The following CNTLN variants were observed in gnomAD, a reference collection of about 807,000 sequenced individuals.
CNTLN encodes the protein centlein.
In CNTLN, 212 loss-of-function variants were observed where a neutral mutation model predicts 180.0. The observed-to-expected ratio is 1.18, with a 90% confidence interval of 1.05 to 1.32. The LOEUF (loss-of-function observed/expected upper bound fraction) is 1.32. Among genes scored for constraint, CNTLN ranks in the 40% most tolerant of loss-of-function variants. The pLI is 0.00. For synonymous variants in CNTLN, 722 were observed against 563.1 expected (o/e 1.28, Z -3.99); for missense variants, 2,095 against 1,610.9 (o/e 1.30, Z -5.14).
At chr9:17,199,332 C>T (rs961151929) in intron 2 of CNTLN, among the ~76,000 whole-genome samples, 1 of 151,682 alleles carries the variant, frequency 6.6e-6, no homozygotes, top group African/African-American at 2.4e-5. Flanking sequence ...CTGCCTCAGC[C>T]TCCTGAGTAG....
intron 13 of CNTLN, among the ~76,000 whole-genome samples, chr9:17,367,297 C>A (rs1462575477): frequency 1.3e-5 from 2 of 152,214 alleles, no homozygotes; most frequent in Non-Finnish European, 2.9e-5. Flanking sequence ...ACAGAAAGAG[C>A]ATTTAGACCA....
At chr9:17,365,631 A>G (rs1286557844) in intron 12 of CNTLN, among the ~76,000 whole-genome samples, 1 of 152,134 alleles carries the variant, frequency 6.6e-6, no homozygotes, top group Admixed American at 6.6e-5. Context: ...AACATTTTTC[A>G]TTACTATTTT....
At chr9:17,528,413 A>C in the CNTLN span, among the ~76,000 whole-genome samples, 1 of 152,224 alleles carries the variant, frequency 6.6e-6, no homozygotes, top group African/African-American at 2.4e-5. Context: ...GACATTAGAC[A>C]AACGCCAGTG....
At chr9:17,294,253 A>G (rs774149830) in intron 6 of CNTLN, among the ~76,000 whole-genome samples, 1 of 152,046 alleles carries the variant, frequency 6.6e-6, no homozygotes, top group African/African-American at 2.4e-5. Context: ...GGGGGTTGCC[A>G]CTGCTGGCTC....
chr9:17,221,182 A>G lies in CNTLN; in HGVS notation c.450-5021A>G, dbSNP rs149478304. 1.8e-4 allele frequency among the ~76,000 whole-genome samples: 27 copies of G among 152,236 alleles called. No homozygotes were observed. In the East Asian group the frequency reaches 4.1e-3, roughly 23 times the overall value. On this transcript the variant is annotated intron_variant, in intron 2 of 25. Transcript: ENST00000380647. ...ATTCTTTTGCAGTACTTCTGATTTT[A>G]TAATGATAAGCTAAACATTCAAGTG...
intron 2 of CNTLN, among the ~76,000 whole-genome samples, chr9:17,195,048 G>A (rs1728638591): frequency 6.6e-6 from 1 of 152,124 alleles, no homozygotes; most frequent in Non-Finnish European, 1.5e-5. Context: ...CCATAACGTG[G>A]GAATTATGGG....
At chr9:17,194,180 A>G (rs1458930317) in intron 2 of CNTLN, among the ~76,000 whole-genome samples, 1 of 152,106 alleles carries the variant, frequency 6.6e-6, no homozygotes, top group Non-Finnish European at 1.5e-5. Context: ...CCCTGGAGAC[A>G]TTTTCCCCAT....
intron 6 of CNTLN, among the ~76,000 whole-genome samples, chr9:17,281,925 G>A (rs10963000): frequency 0.29 from 44,410 of 151,956 alleles, 6,564 homozygotes; most frequent in South Asian, 0.41. Context: ...AAGCGTTCCT[G>A]TTTCTCCACA....
At chr9:17,277,371 C>A (rs184759840) in intron 6 of CNTLN, among the ~76,000 whole-genome samples, 1 of 152,058 alleles carries the variant, frequency 6.6e-6, no homozygotes, top group Non-Finnish European at 1.5e-5. Flanking sequence ...TTCAGAAAAT[C>A]TTCAGACAGA....
chr9:17,260,954 TG>T (rs1347571050), intron 5 of CNTLN, among the ~76,000 whole-genome samples: 1 of 151,484 alleles, frequency 6.6e-6, no homozygotes, highest in Non-Finnish European at 1.5e-5. Flanking sequence ...TTCATGTTTT[TG>T]TCAGCTTTGT....
chr9:17,292,683 C>T (rs888263997), intron 6 of CNTLN, among the ~76,000 whole-genome samples: 1 of 152,084 alleles, frequency 6.6e-6, no homozygotes, highest in Non-Finnish European at 1.5e-5. Context: ...ACTAATTATT[C>T]TGGTTAACAG....
rs1326587387 is a variant in CNTLN, at chr9:17,211,592, A to T, written c.450-14611A>T. ...AGTAGTTTTTTCCAATTCTGTGAAG[A>T]AAGTCATTGGTAGCTTGATGGGGAT... On this transcript the variant is annotated intron_variant, in intron 2 of 25. Coordinates refer to ENST00000380647, the MANE Select transcript of CNTLN (RefSeq NM_017738.4). Among the ~76,000 whole-genome samples the T allele has an allele frequency of 6.6e-5, 10 of 152,314 alleles. No homozygotes were observed. The East Asian group carries it at 1.9e-3, about 29-fold the overall frequency.
intron 16 of CNTLN, among the ~76,000 whole-genome samples, chr9:17,415,555 A>T (rs970499511): frequency 1.3e-5 from 2 of 152,102 alleles, no homozygotes; most frequent in African/African-American, 4.8e-5. Context: ...TATCATCTAG[A>T]GTTTAAAAAA....
At chr9:17,434,865 A>G (rs943546500) in intron 18 of CNTLN, among the ~76,000 whole-genome samples, 3 of 152,128 alleles carry the variant, frequency 2.0e-5, no homozygotes, top group African/African-American at 4.8e-5. Flanking sequence ...TTGGAAAACA[A>G]TTGTGCCACT....
Position 17,284,862 on chromosome 9 carries a change from G to C in CNTLN, c.983+10996G>C, listed in dbSNP as rs145273796. ...AGTTTTGATGTTAGGGTGTCAACTT[G>C]AGATTTTTCTAGCTTTTTGATGTGG... On this transcript the variant is annotated intron_variant, in intron 6 of 25. Coordinates refer to ENST00000380647, the MANE Select transcript of CNTLN (RefSeq NM_017738.4). Among the ~76,000 whole-genome samples the C allele has an allele frequency of 2.7e-3, 405 of 152,066 alleles. 1 individual carries two copies. The highest frequency in any genetic ancestry group is 3.4e-3 in the Middle Eastern group (1 of 294).
At chr9:17,333,676 A>G (rs2133136962) in intron 10 of CNTLN, among the ~76,000 whole-genome samples, 1 of 152,328 alleles carries the variant, frequency 6.6e-6, no homozygotes, top group East Asian at 1.9e-4. Context: ...ATTAAGTTTT[A>G]GTTTATGTTT....
chr9:17,224,983 A>C (rs1034954705), intron 2 of CNTLN, among the ~76,000 whole-genome samples: 2 of 151,268 alleles, frequency 1.3e-5, no homozygotes, highest in African/African-American at 4.8e-5. Flanking sequence ...CACGTCCTTA[A>C]CTAATGCCTA....
chr9:17,415,080 T>C (rs1828124806), intron 16 of CNTLN, among the ~76,000 whole-genome samples: 1 of 151,534 alleles, frequency 6.6e-6, no homozygotes, highest in South Asian at 2.1e-4. Flanking sequence ...AGCCAAACTC[T>C]GTCTCAAAAG....
chr9:17,285,279 T>A (rs1828914622), intron 6 of CNTLN, among the ~76,000 whole-genome samples: 2 of 149,964 alleles, frequency 1.3e-5, no homozygotes, highest in African/African-American at 4.9e-5. Context: ...CTTGTGATAG[T>A]TTACTGAGAA....
Sources: gnomAD v4.1 joint callset for allele counts (sites outside exome capture counted in the v4.1 genomes callset) on GRCh38, gnomAD v4.1.1 for gene constraint, MANE v1.5 for transcripts, NCBI Gene and HGNC (gene_info 2026-07-23, HGNC 2026-07-21) for gene names.